The following BTBD9 variants were observed in gnomAD, a reference collection of about 807,000 sequenced individuals.
BTBD9 encodes the protein BTB/POZ domain-containing protein 9.
A neutral mutation model predicts 64.3 loss-of-function variants in BTBD9; 49 were observed. The observed-to-expected ratio is 0.76, with a 90% CI of 0.61 to 0.97. The LOEUF is 0.97. Among genes scored for constraint, BTBD9 ranks in the 50% least tolerant of loss-of-function variants. BTBD9 has a pLI of 0.00. For missense variants in BTBD9, 598 were observed against 762.1 expected (o/e 0.78, Z 2.53); for synonymous variants, 260 against 274.7 (o/e 0.95, Z 0.53).
intron 6 of BTBD9, among the ~76,000 whole-genome samples, chr6:38,441,536 G>A (rs1199932912): frequency 4.6e-5 from 7 of 151,880 alleles, no homozygotes; most frequent in Non-Finnish European, 1.0e-4. Flanking sequence ...CCTCAGCTTC[G>A]GGAGTAGCTA....
At chr6:38,527,478 G>A (rs1452805058) in intron 6 of BTBD9, among the ~76,000 whole-genome samples, 1 of 152,008 alleles carries the variant, frequency 6.6e-6, no homozygotes. Context: ...ATGATAGTGA[G>A]TGAGTTCTCA....
rs77057089 is a variant in BTBD9, at chr6:38,379,425, G to C, written c.1155-34332C>G. Among the ~76,000 whole-genome samples, 35 of 152,092 alleles carry C rather than the reference G, an allele frequency of 2.3e-4. 1 individual carries two copies. ...TCTGTAATCTGACAAATCTTCTAGC[G>C]GGTTTGCTCTACTAAAATAAGGGAT... On this transcript the variant is annotated intron_variant, in intron 6 of 10. Coordinates refer to ENST00000481247, the MANE Select transcript of BTBD9 (RefSeq NM_001099272.2).
At chr6:38,380,206 A>G (rs1395223043) in intron 6 of BTBD9, among the ~76,000 whole-genome samples, 1 of 152,246 alleles carries the variant, frequency 6.6e-6, no homozygotes, top group Non-Finnish European at 1.5e-5. Context: ...AAATAAAGAT[A>G]GAACTTTCAT....
intron 6 of BTBD9, among the ~76,000 whole-genome samples, chr6:38,434,741 G>A (rs1192524704): frequency 6.6e-6 from 1 of 151,954 alleles, no homozygotes; most frequent in Admixed American, 6.5e-5. Flanking sequence ...CCTAGTAGTA[G>A]TCTATCATGC....
At chr6:38,513,757 C>T (rs993149528) in intron 6 of BTBD9, among the ~76,000 whole-genome samples, 1 of 152,150 alleles carries the variant, frequency 6.6e-6, no homozygotes, top group Non-Finnish European at 1.5e-5. Flanking sequence ...TAGACATATT[C>T]AAGTGGTGGC....
intron 9 of BTBD9, among the ~76,000 whole-genome samples, chr6:38,209,275 G>A (rs1227040751): frequency 6.6e-6 from 1 of 152,224 alleles, no homozygotes; most frequent in East Asian, 1.9e-4. Flanking sequence ...GATAGAGCTC[G>A]GTGTTAAAAT....
At chr6:38,187,124 C>A (rs1561847128) in intron 10 of BTBD9, among the ~76,000 whole-genome samples, 1 of 152,140 alleles carries the variant, frequency 6.6e-6, no homozygotes, top group South Asian at 2.1e-4. Flanking sequence ...TTCTGGGAGA[C>A]CCCGCACATC....
intron 9 of BTBD9, among the ~76,000 whole-genome samples, chr6:38,233,412 G>A (rs994455440): frequency 1.5e-4 from 23 of 152,116 alleles, no homozygotes; most frequent in African/African-American, 4.3e-4. Context: ...AGTTCTTTGC[G>A]GCACATATTT....
At chr6:38,280,938 A>G (rs1761488789) in intron 8 of BTBD9, among the ~76,000 whole-genome samples, 1 of 152,256 alleles carries the variant, frequency 6.6e-6, no homozygotes, top group Non-Finnish European at 1.5e-5. Flanking sequence ...GAAGCATACT[A>G]TGCATTTGGA....
chr6:38,169,853 G>T lies in BTBD9; in HGVS notation c.*5132C>A, dbSNP rs1164806750. The stretch of plus-strand genomic sequence containing the variant: ...TATCATAAATTACAGGTGGATGATT[G>T]TGAGTCTTCAGGCCATGAGGCCTCT... On this transcript the variant is annotated 3_prime_UTR_variant, in exon 11 of 11. Coordinates refer to ENST00000481247, the MANE Select transcript of BTBD9 (RefSeq NM_001099272.2). 1 of 149,886 alleles carries T rather than the reference G, an allele frequency of 6.7e-6. No homozygotes were observed. Among genetic ancestry groups the T allele is most frequent in the African/African-American group, 2.4e-5 (1 of 40,930 alleles). The allele number at this position is 149,886 out of a possible 1,614,324, so 9.3% of individuals were successfully genotyped here. A position where few individuals can be genotyped will look rare whatever the true frequency, so the allele number is the denominator to read the frequency against.
At chr6:38,545,612 T>A (rs1774497776) in intron 6 of BTBD9, among the ~76,000 whole-genome samples, 3 of 151,482 alleles carry the variant, frequency 2.0e-5, no homozygotes, top group Admixed American at 2.0e-4. Context: ...ACCCCGTCTC[T>A]ACTAAAAATA....
At chr6:38,193,139 G>A (rs1762153344) in intron 9 of BTBD9, among the ~76,000 whole-genome samples, 1 of 152,198 alleles carries the variant, frequency 6.6e-6, no homozygotes, top group Admixed American at 6.5e-5. Flanking sequence ...TATAAAATGG[G>A]GCCATGATGG....
chr6:38,533,907 A>T (rs1773902836), intron 6 of BTBD9, among the ~76,000 whole-genome samples: 1 of 152,174 alleles, frequency 6.6e-6, no homozygotes. Context: ...AGGAAAGTTT[A>T]TAGCTGTAAG....
chr6:38,197,102 G>A (rs773412213), intron 9 of BTBD9, among the ~76,000 whole-genome samples: 18 of 152,126 alleles, frequency 1.2e-4, no homozygotes, highest in African/African-American at 3.9e-4. Flanking sequence ...TTAAAATAAC[G>A]GGCCAGGTTT....
At chr6:38,326,684 G>A (rs573938143) in intron 7 of BTBD9, among the ~76,000 whole-genome samples, 67 of 151,736 alleles carry the variant, frequency 4.4e-4, no homozygotes, top group Non-Finnish European at 7.4e-4. Flanking sequence ...AGCTTACTGA[G>A]GTTTTACTGA....
chr6:38,227,184 A>C (rs6458047), intron 9 of BTBD9, among the ~76,000 whole-genome samples: 124,887 of 152,130 alleles, frequency 0.82, 51,390 homozygotes, highest in East Asian at 0.97. Context: ...TGTTTAGAGG[A>C]AGGTCATAAA....
rs368739901 is a variant in BTBD9 at position 38,336,667 on chromosome 6, C to T, written c.1264+8317G>A. The stretch of plus-strand genomic sequence containing the variant: ...AGATGAGATTTGGATGGGGATACCG[C>T]CAAACCATATCCCTGACCCAATTTA... On this transcript the variant is annotated intron_variant, in intron 7 of 10. Coordinates refer to ENST00000481247, the MANE Select transcript of BTBD9 (RefSeq NM_001099272.2). Among the ~76,000 whole-genome samples, 5 of 152,096 alleles carry T rather than the reference C, an allele frequency of 3.3e-5. No individual in the cohort carries two copies. In the South Asian group the frequency reaches 1.0e-3, roughly 32 times the overall value.
intron 7 of BTBD9, among the ~76,000 whole-genome samples, chr6:38,312,081 A>AGGTG (rs1392695308): frequency 3.3e-5 from 5 of 151,740 alleles, no homozygotes; most frequent in African/African-American, 1.2e-4. Flanking sequence ...GGCTGGTCTC[A>AGGTG]AACTCCTGAC....
chr6:38,183,682 C>T (rs1489133754), intron 10 of BTBD9, among the ~76,000 whole-genome samples: 1 of 152,242 alleles, frequency 6.6e-6, no homozygotes, highest in African/African-American at 2.4e-5. Flanking sequence ...TTCACTGCCT[C>T]TCCCCCAGCC....
Sources: allele counts gnomAD v4.1 joint callset (sites outside exome capture counted in the v4.1 genomes callset), GRCh38; gene constraint gnomAD v4.1.1; transcripts MANE v1.5; gene names NCBI Gene and HGNC (gene_info 2026-07-23, HGNC 2026-07-21).